Variants in DMPK observed in about 807,000 individuals in gnomAD.
DMPK encodes the protein myotonin-protein kinase.
A neutral mutation model predicts 70.3 loss-of-function variants in DMPK; 32 were observed. The observed-to-expected ratio is 0.46, with a 90% CI of 0.34 to 0.61. DMPK has a LOEUF of 0.61. Ranked by LOEUF, DMPK falls within the 20% of genes least tolerant of loss-of-function variation. DMPK has a pLI of 0.01. For missense variants in DMPK, 899 were observed against 886.0 expected (o/e 1.01, Z -0.19); for synonymous variants, 469 against 390.9 (o/e 1.20, Z -2.36).
chr19:45,770,174 G>A lies in DMPK; in HGVS notation c.*314C>T, dbSNP rs976407296. 4.7e-5 allele frequency: 32 copies of A among 675,004 alleles called. 2 individuals are homozygous for A. Among genetic ancestry groups the A allele is most frequent in the Middle Eastern group, 4.1e-4 (1 of 2,458 alleles). 41.8% of individuals were successfully genotyped at this position (675,004 alleles called of 1,614,324 possible). A position where few individuals can be genotyped will look rare whatever the true frequency, so the allele number is the denominator to read the frequency against. Reference sequence around the variant, plus strand: ...CCATCCACGTCAGGGCCTCAGCCTGGCCGAAAGAAAGAAATGGTCTGTGAT... The same window carrying A: ...CCATCCACGTCAGGGCCTCAGCCTGACCGAAAGAAAGAAATGGTCTGTGAT... On this transcript the variant is annotated 3_prime_UTR_variant, in exon 15 of 15. Coordinates refer to ENST00000291270, the MANE Select transcript of DMPK (RefSeq NM_004409.5).
chr19:45,777,539 C>G lies in DMPK; in HGVS notation c.934G>C (p.Asp312His), dbSNP rs1170525832. The G allele has an allele frequency of 6.2e-7, 1 of 1,613,638 alleles. No homozygotes were observed. Among genetic ancestry groups the G allele is most frequent in the Admixed American group, 1.7e-5 (1 of 60,032 alleles). ...VDEGVPEEAR[D>H]FIQRLLCPPE... ...GGACACAGCAACCGCTGAATGAAGT[C>G]TCGAGCCTCCTCAGGGACCCCTTCG... The change falls in exon 8 of 15, where the codon GAC becomes CAC. Residue 312 changes from aspartate (D) to histidine (H), a missense_variant. Asp to His is a moderately conservative substitution (Grantham distance 81, BLOSUM62 -1). Coordinates refer to ENST00000291270, the MANE Select transcript of DMPK (RefSeq NM_004409.5). The surrounding 1 kb of genome is among the most constrained non-coding windows in gnomAD (Gnocchi z 6.7).
intron 4 of DMPK, 24 bp from the exon 5 acceptor site, chr19:45,778,665 G>A (rs758339461): frequency 6.2e-7 from 1 of 1,609,858 alleles, no homozygotes. Flanking sequence ...CGTCATGGGT[G>A]GTTGGTAGTC....
chr19:45,774,996 C>G lies in DMPK; in HGVS notation c.1185G>C (p.Gly395=). The change falls in exon 9 of 15, where the codon GGG becomes GGC. Residue 395 remains glycine (G), a synonymous_variant. Transcript: ENST00000291270. ...LSDIREGAPL[G]VHLPFVGYSY... ...AGTAGCCCACAAAAGGCAGGTGGACCCCTAGCGGCGCACCTTCCCGAATGT... is the reference window on the plus strand; with the variant it reads ...AGTAGCCCACAAAAGGCAGGTGGACGCCTAGCGGCGCACCTTCCCGAATGT... The G allele has an allele frequency of 6.2e-7, 1 of 1,613,956 alleles. No individual in the cohort carries two copies. Among genetic ancestry groups the G allele is most frequent in the Non-Finnish European group, 8.5e-7 (1 of 1,180,000 alleles).
Position 45,777,410 on chromosome 19 carries a change from T to C in DMPK, c.1063A>G (p.Thr355Ala). ...TCGGTGGCACCTTCGAAATCCGGTG[T>C]AAAGGGGGGCACGCTGTCCCGGAGA... Reference protein sequence around the residue: ...DGLRDSVPPFTPDFEGATDTC... With the variant: ...DGLRDSVPPFAPDFEGATDTC... The change falls in exon 8 of 15, where the codon ACA becomes GCA. Residue 355 changes from threonine (T) to alanine (A), a missense_variant. Physicochemically the swap from Thr to Ala is moderately conservative, Grantham distance 58. Coordinates refer to ENST00000291270, the MANE Select transcript of DMPK (RefSeq NM_004409.5). This position sits in a 1 kb window ranked among gnomAD's most constrained non-coding sequence, Gnocchi z 6.7. 1 of 1,612,970 alleles carries C rather than the reference T, an allele frequency of 6.2e-7. No homozygotes were observed. Among genetic ancestry groups the C allele is most frequent in the Non-Finnish European group, 8.5e-7 (1 of 1,179,800 alleles).
chr19:45,774,954 G>A lies in DMPK; in HGVS notation c.1227C>T (p.Ala409=), dbSNP rs1455991268. ...CCGTCCAGGGCAGTGCTTACCTGAG[G>A]GCCATGCAGGAGTAGGAGTAGCCCA... ...PFVGYSYSCM[A]LRDSEVPGPT... The change falls in exon 9 of 15, where the codon GCC becomes GCT. Residue 409 remains alanine, a synonymous_variant. Coordinates refer to ENST00000291270, the MANE Select transcript of DMPK (RefSeq NM_004409.5). 6.2e-7 allele frequency: 1 copy of A among 1,613,732 alleles called. No individual in the cohort carries two copies. Among genetic ancestry groups the A allele is most frequent in the Non-Finnish European group, 8.5e-7 (1 of 1,179,842 alleles).
chr19:45,771,504 C>T, intron 12 of DMPK, 64 bp downstream of exon 12: 1 of 1,611,518 alleles, frequency 6.2e-7, no homozygotes, highest in Non-Finnish European at 8.5e-7. Flanking sequence ...CTATACACGC[C>T]CCGCGGAGCA....
chr19:45,770,953 G>A lies in DMPK; in HGVS notation c.1737+18C>T, dbSNP rs902675056. On this transcript the variant is annotated intron_variant, in intron 14 of 14. Transcript: ENST00000291270. ...GCGGGGCGCGACGGCGGAGGGGGGCGTGGGCAGCCGGACGTACCCTGGCAG... is the reference window on the plus strand; with the variant it reads ...GCGGGGCGCGACGGCGGAGGGGGGCATGGGCAGCCGGACGTACCCTGGCAG... 7.1e-6 allele frequency: 10 copies of A among 1,414,136 alleles called. No individual in the cohort carries two copies. The Admixed American group carries it at 9.5e-5, about 13-fold the overall frequency. The allele number at this position is 1,414,136 out of a possible 1,614,324, so 87.6% of individuals were successfully genotyped here.
Position 45,771,607 on chromosome 19 carries a change from G to C in DMPK, c.1561C>G (p.Gln521Glu), listed in dbSNP as rs922171026. ...GCCTGCAGCAACTCCATCCGCTCCT[G>C]CAACTGCCGGACGTGTGCCTCTAGG... Reference protein sequence around the residue: ...RDLEAHVRQLQERMELLQAEG... With the variant: ...RDLEAHVRQLEERMELLQAEG... Residue 521 changes from glutamine to glutamate, a missense_variant, in exon 12 of 15, where the codon CAG becomes GAG. Transcript: ENST00000291270. 12 of 1,613,908 alleles carry C rather than the reference G, an allele frequency of 7.4e-6. No homozygotes were observed. The highest frequency in any genetic ancestry group is 1.0e-5 in the Non-Finnish European group (12 of 1,179,956).
intron 4 of DMPK, 127 bp downstream of exon 4, chr19:45,779,137 A>G: frequency 1.1e-6 from 1 of 941,782 alleles, no homozygotes; most frequent in South Asian, 1.4e-5. Flanking sequence ...CTCTTACCGC[A>G]CACAGACTTT....
Position 45,771,773 on chromosome 19 carries a change from G to A in DMPK, c.1500C>T (p.Ala500=). The part of the protein sequence containing the change: ...EAIRTDNQNF[A]SQLREAEARN... ...CCGGCCCCGGCCCCGATCCCGACCT[G>A]GCGAAGTTCTGGTTGTCCGTGCGGA... The change falls in exon 11 of 15, where the codon GCC becomes GCT. Residue 500 remains alanine, a splice_region_variant and synonymous_variant. Transcript: ENST00000291270. The A allele has an allele frequency of 6.3e-7, 1 of 1,576,466 alleles. No individual in the cohort carries two copies. Among genetic ancestry groups the A allele is most frequent in the Non-Finnish European group, 8.6e-7 (1 of 1,160,668 alleles).
intron 1 of DMPK, among the ~76,000 whole-genome samples, chr19:45,781,128 G>A (rs1970093243): frequency 6.6e-6 from 1 of 152,186 alleles, no homozygotes; most frequent in Admixed American, 6.5e-5. Context: ...CCAGGCCTGG[G>A]TCAGAAAGAG....
At position 45,778,078 on chromosome 19, in the gene DMPK, A is replaced by G. The variant is rs370881189; in HGVS notation, c.675+49T>C. ...CCCGCTCCCACACTCTGTGCCTTCC[A>G]TCCCTCATCAGCAGCCCCAGTTGCT... On this transcript the variant is annotated intron_variant, in intron 6 of 14. Transcript: ENST00000291270. The G allele has an allele frequency of 1.6e-5, 24 of 1,484,724 alleles. No individual in the cohort carries two copies. In the African/African-American group the frequency reaches 2.9e-4, roughly 18 times the overall value. 92.0% of individuals were successfully genotyped at this position (1,484,724 alleles called of 1,614,324 possible). A position where few individuals can be genotyped will look rare whatever the true frequency, so the allele number is the denominator to read the frequency against.
intron 9 of DMPK, among the ~76,000 whole-genome samples, chr19:45,773,251 C>T (rs1269205297): frequency 2.0e-5 from 3 of 152,190 alleles, no homozygotes; most frequent in Non-Finnish European, 2.9e-5. Context: ...GTGGCTGTCC[C>T]CTCCAACCCA....
At chr19:45,774,802 C>T (rs958203864) in intron 9 of DMPK, 147 bp downstream of exon 9, 5 of 606,956 alleles carry the variant, frequency 8.2e-6, no homozygotes, top group African/African-American at 7.5e-5. Context: ...ATTTAAGGTC[C>T]TCCAACTCTG....
chr19:45,778,717 T>G, intron 4 of DMPK, 76 bp from the exon 5 acceptor site: 1 of 1,463,682 alleles, frequency 6.8e-7, no homozygotes, highest in South Asian at 1.2e-5. Flanking sequence ...GGACAACCCC[T>G]CCCAGAGACA....
chr19:45,781,297 G>T (rs1220244381), intron 1 of DMPK, among the ~76,000 whole-genome samples: 3 of 152,244 alleles, frequency 2.0e-5, no homozygotes, highest in Non-Finnish European at 2.9e-5. Flanking sequence ...CCAGTGACCA[G>T]TGAGCCCGAG....
At chr19:45,776,310 AT>A (rs1404305446) in intron 8 of DMPK, among the ~76,000 whole-genome samples, 1 of 103,226 alleles carries the variant, frequency 9.7e-6, no homozygotes, top group Non-Finnish European at 2.0e-5. Context: ...CGCCTGGCTA[AT>A]TTTTTGTATT....
At chr19:45,771,291 G>C in intron 13 of DMPK, 59 bp downstream of exon 13, 1 of 1,546,964 alleles carries the variant, frequency 6.5e-7, no homozygotes, top group African/African-American at 1.4e-5. Flanking sequence ...CCAGGAGCCA[G>C]GGAGGGGATC....
chr19:45,778,011 T>G, intron 6 of DMPK, 116 bp downstream of exon 6: 1 of 1,217,638 alleles, frequency 8.2e-7, no homozygotes, highest in Non-Finnish European at 1.2e-6. Context: ...GATGCACACT[T>G]AAGCCTGGGT....
Sources: gnomAD v4.1 joint callset for allele counts (sites outside exome capture counted in the v4.1 genomes callset) on GRCh38, gnomAD v4.1.1 for gene constraint, Gnocchi (gnomAD v3.1) non-coding constraint, MANE v1.5 for transcripts, NCBI Gene and HGNC (gene_info 2026-07-23, HGNC 2026-07-21) for gene names.